KDM1A: variants seen among roughly 807,000 people sequenced by gnomAD.
KDM1A encodes the protein lysine demethylase 1A, also known as lysine-specific histone demethylase 1A.
Under a neutral mutation model 109.4 loss-of-function variants are expected in KDM1A, and 49 were observed. The observed-to-expected ratio is 0.45, with a 90% CI of 0.36 to 0.57. The LOEUF is 0.57. Among genes scored for constraint, KDM1A ranks in the 20% least tolerant of loss-of-function variants. The pLI is 0.00. For missense variants in KDM1A, 668 were observed against 1,116.6 expected (o/e 0.60, Z 5.73); for synonymous variants, 380 against 415.4 (o/e 0.91, Z 1.04).
chr1:23,037,969 A>G (rs533269708), intron 2 of KDM1A, among the ~76,000 whole-genome samples: 4 of 152,336 alleles, frequency 2.6e-5, no homozygotes, highest in African/African-American at 9.6e-5. Context: ...GTAATAGAAG[A>G]ACAAGATTTG....
intron 11 of KDM1A, 67 bp from the exon 12 acceptor site, chr1:23,068,994 T>C (rs1643230804): frequency 2.7e-5 from 30 of 1,091,824 alleles, no homozygotes; most frequent in Non-Finnish European, 4.0e-5. Context: ...TAAATGTTTT[T>C]GATGGGCACC....
chr1:23,024,855 G>T (rs1641747035), intron 1 of KDM1A, among the ~76,000 whole-genome samples: 1 of 152,194 alleles, frequency 6.6e-6, no homozygotes, highest in South Asian at 2.1e-4. Context: ...AATGCTTATT[G>T]CAGTGTTTGG....
At chr1:23,075,346 G>A (rs1334632162) in intron 15 of KDM1A, among the ~76,000 whole-genome samples, 1 of 152,166 alleles carries the variant, frequency 6.6e-6, no homozygotes, top group African/African-American at 2.4e-5. Flanking sequence ...AGCACTTTGG[G>A]AGGCCAGAGC....
At chr1:23,041,626 A>G (rs765251672) in intron 2 of KDM1A, among the ~76,000 whole-genome samples, 36 of 151,472 alleles carry the variant, frequency 2.4e-4, no homozygotes, top group Non-Finnish European at 4.9e-4. Flanking sequence ...TATTTTTAGT[A>G]GAGACAGCGT....
At chr1:23,081,681 C>G in intron 19 of KDM1A, 108 bp downstream of exon 19, 4 of 1,303,796 alleles carry the variant, frequency 3.1e-6, no homozygotes, top group Non-Finnish European at 4.2e-6. Context: ...GAATTGAGGT[C>G]TGTGCTTTTA....
intron 4 of KDM1A, among the ~76,000 whole-genome samples, chr1:23,053,458 T>G (rs1283952566): frequency 1.3e-5 from 2 of 152,210 alleles, no homozygotes; most frequent in Admixed American, 1.3e-4. Flanking sequence ...CGATCATGGC[T>G]CACTGCAGCC....
At chr1:23,040,803 A>G (rs1642295074) in intron 2 of KDM1A, among the ~76,000 whole-genome samples, 1 of 152,186 alleles carries the variant, frequency 6.6e-6, no homozygotes, top group Non-Finnish European at 1.5e-5. Context: ...ATAATTAAAA[A>G]ATTAAAAAGA....
intron 1 of KDM1A, among the ~76,000 whole-genome samples, chr1:23,026,203 A>G (rs1344201650): frequency 1.3e-5 from 2 of 152,220 alleles, no homozygotes; most frequent in Admixed American, 1.3e-4. Context: ...AAAATATCAC[A>G]TAATGGGAAA....
At chr1:23,078,807 G>A (rs746190365) in intron 16 of KDM1A, among the ~76,000 whole-genome samples, 183 bp from the exon 17 acceptor site, 8 of 152,168 alleles carry the variant, frequency 5.3e-5, no homozygotes, top group Non-Finnish European at 1.0e-4. Context: ...CACTTATTAC[G>A]TGTGTAGCCT....
chr1:23,061,364 CAT>C (rs775585429), intron 9 of KDM1A, among the ~76,000 whole-genome samples: 4 of 152,120 alleles, frequency 2.6e-5, no homozygotes, highest in Admixed American at 6.6e-5. Flanking sequence ...TTGTTAACCT[CAT>C]GTGTGGTTTT....
At position 23,079,528 on chromosome 1, in the gene KDM1A, C is replaced by G. The variant is rs1290437643; in HGVS notation, c.2056-25C>G. 2 of 1,574,336 alleles carry G rather than the reference C, an allele frequency of 1.3e-6. No individual in the cohort carries two copies. Among genetic ancestry groups the G allele is most frequent in the Middle Eastern group, 1.7e-4 (1 of 5,952 alleles). On this transcript the variant is annotated intron_variant, in intron 17 of 20. Coordinates refer to ENST00000400181, the MANE Select transcript of KDM1A (RefSeq NM_001009999.3). The surrounding 1 kb of genome is among the most constrained non-coding windows in gnomAD (Gnocchi z 5.6). ...AGTATTATCTGGCCCCTGTCACTGG[C>G]TCATGTGCTTCTTTCTTATGGTAGG...
intron 9 of KDM1A, among the ~76,000 whole-genome samples, chr1:23,063,219 TGGGTGTGTGTGG>T (rs1557569798): frequency 2.6e-4 from 7 of 27,446 alleles, no homozygotes; most frequent in Non-Finnish European, 5.4e-4. Context: ...TGGTGTGGGG[TGGGTGTGTGTGG>T]GTGTGTGTGT....
At chr1:23,039,679 C>T (rs1569676734) in intron 2 of KDM1A, among the ~76,000 whole-genome samples, 1 of 152,202 alleles carries the variant, frequency 6.6e-6, no homozygotes, top group Admixed American at 6.5e-5. Context: ...GTGCTTTTCT[C>T]TTTATCTTTG....
intron 15 of KDM1A, among the ~76,000 whole-genome samples, chr1:23,076,964 C>A (rs1282897254): frequency 1.7e-4 from 24 of 143,192 alleles, no homozygotes; most frequent in South Asian, 4.5e-4. Context: ...GACTCTGTAT[C>A]AAAAAAAAAA....
intron 15 of KDM1A, among the ~76,000 whole-genome samples, chr1:23,073,709 TTTG>T (rs1338276438): frequency 6.6e-6 from 1 of 152,206 alleles, no homozygotes. Flanking sequence ...TCACTGTAAT[TTTG>T]TTTATTCTAC....
chr1:23,066,223 G>C (rs931491389), intron 10 of KDM1A, among the ~76,000 whole-genome samples, 152 bp downstream of exon 10: 4 of 152,110 alleles, frequency 2.6e-5, no homozygotes, highest in Admixed American at 2.6e-4. Context: ...ATGTTGGGCT[G>C]GTGCCATTTG....
At chr1:23,070,747 G>T (rs1295283288) in intron 12 of KDM1A, among the ~76,000 whole-genome samples, 1 of 151,942 alleles carries the variant, frequency 6.6e-6, no homozygotes, top group Admixed American at 6.5e-5. Context: ...GGCAGAGCTT[G>T]CAGTGAGCCG....
At chr1:23,020,053 A>G (rs933219301) in intron 1 of KDM1A, 106 bp downstream of exon 1, 3 of 1,206,274 alleles carry the variant, frequency 2.5e-6, no homozygotes, top group Admixed American at 4.0e-5. Flanking sequence ...GCGACCACTC[A>G]GACCTCCCCT....
intron 3 of KDM1A, among the ~76,000 whole-genome samples, chr1:23,049,585 T>C (rs913692044): frequency 6.6e-6 from 1 of 151,222 alleles, no homozygotes; most frequent in Admixed American, 6.6e-5. Flanking sequence ...CTCGAGAGGC[T>C]GAGGCAGGAG....
Sources: allele counts gnomAD v4.1 joint callset (sites outside exome capture counted in the v4.1 genomes callset), GRCh38; gene constraint gnomAD v4.1.1; non-coding constraint Gnocchi (gnomAD v3.1); transcripts MANE v1.5; gene names NCBI Gene and HGNC (gene_info 2026-07-23, HGNC 2026-07-21).